Variants in SEMA3D observed in about 807,000 individuals in gnomAD.
SEMA3D encodes the protein semaphorin-3D.
SEMA3D carries 84 observed loss-of-function variants against 100.1 expected under a neutral mutation model. The observed-to-expected ratio is 0.84, with a 90% CI of 0.70 to 1.01. The LOEUF is 1.01. Ranked by LOEUF, SEMA3D falls within the 50% of genes least tolerant of loss-of-function variation. The pLI is 0.00. For synonymous variants in SEMA3D, 312 were observed against 320.7 expected (o/e 0.97, Z 0.29); for missense variants, 875 against 934.1 (o/e 0.94, Z 0.82).
chr7:85,242,107 T>C, the SEMA3D span, among the ~76,000 whole-genome samples: 1 of 152,130 alleles, frequency 6.6e-6, no homozygotes, highest in Non-Finnish European at 1.5e-5. Context: ...TAATCCATCT[T>C]ATGGACCTTC....
At chr7:85,133,967 C>T (rs1466892057) in intron 2 of SEMA3D, among the ~76,000 whole-genome samples, 1 of 151,800 alleles carries the variant, frequency 6.6e-6, no homozygotes, top group Non-Finnish European at 1.5e-5. Context: ...CTGGAAACTC[C>T]CATATTCTCC....
intron 1 of SEMA3D, among the ~76,000 whole-genome samples, chr7:85,167,870 A>C (rs1214647262): frequency 6.6e-6 from 1 of 151,848 alleles, no homozygotes; most frequent in African/African-American, 2.4e-5. Flanking sequence ...CACATCAAGA[A>C]AGCATGATAT....
chr7:85,140,472 G>A (rs1423145965), intron 2 of SEMA3D: 1 of 981,062 alleles, frequency 1.0e-6, no homozygotes, highest in East Asian at 1.1e-4. Flanking sequence ...GTTCTGATAT[G>A]TACAGGATCA....
At chr7:85,100,695 C>T (rs777139191) in intron 3 of SEMA3D, among the ~76,000 whole-genome samples, 14 of 151,904 alleles carry the variant, frequency 9.2e-5, no homozygotes, top group African/African-American at 1.9e-4. Context: ...CCATATATTC[C>T]GTCTATCAAC....
chr7:85,004,361 T>C (rs1478153317), intron 18 of SEMA3D, among the ~76,000 whole-genome samples: 1 of 152,108 alleles, frequency 6.6e-6, no homozygotes, highest in Admixed American at 6.6e-5. Flanking sequence ...ATGCAAGTAT[T>C]TGAAGATTTT....
chr7:85,240,560 G>C, the SEMA3D span, among the ~76,000 whole-genome samples: 1 of 152,104 alleles, frequency 6.6e-6, no homozygotes, highest in Non-Finnish European at 1.5e-5. Context: ...AGACTGCAAA[G>C]AATTGGCATA....
At chr7:85,157,145 G>A (rs941879602) in intron 1 of SEMA3D, among the ~76,000 whole-genome samples, 1 of 151,906 alleles carries the variant, frequency 6.6e-6, no homozygotes, top group African/African-American at 2.4e-5. Context: ...ATAGACCTAG[G>A]GTTTTATTCT....
intron 3 of SEMA3D, among the ~76,000 whole-genome samples, chr7:85,107,177 A>G (rs1488028281): frequency 6.6e-6 from 1 of 152,084 alleles, no homozygotes; most frequent in African/African-American, 2.4e-5. Context: ...ACTCAGTGTG[A>G]CATTTTATCT....
chr7:85,140,534 A>G (rs914848727), intron 2 of SEMA3D: 2 of 983,734 alleles, frequency 2.0e-6, no homozygotes, highest in Non-Finnish European at 1.2e-6. Context: ...CACTTCAAAC[A>G]TCAGCACAAA....
intron 10 of SEMA3D, chr7:85,041,712 T>C (rs1790869887): frequency 6.5e-6 from 1 of 153,722 alleles, no homozygotes; most frequent in South Asian, 2.1e-4. Flanking sequence ...AGAAGTGAAA[T>C]AGAAGAAGCT....
the SEMA3D span, among the ~76,000 whole-genome samples, chr7:85,225,101 TATATAC>T: frequency 9.2e-5 from 2 of 21,678 alleles, no homozygotes; most frequent in African/African-American, 5.1e-4. Context: ...TATATATATA[TATATAC>T]ATACATATAT....
intron 2 of SEMA3D, among the ~76,000 whole-genome samples, chr7:85,145,723 G>A (rs1360121162): frequency 6.6e-6 from 1 of 152,058 alleles, no homozygotes; most frequent in Non-Finnish European, 1.5e-5. Context: ...AAATACAAAA[G>A]TTTGAGATTA....
chr7:85,083,079 A>C (rs1788109865), intron 4 of SEMA3D, among the ~76,000 whole-genome samples: 1 of 152,226 alleles, frequency 6.6e-6, no homozygotes, highest in African/African-American at 2.4e-5. Flanking sequence ...TAGGTCTAAA[A>C]AGAATATCTC....
At chr7:85,147,092 C>CTTTTCTT (rs1165953881) in intron 2 of SEMA3D, among the ~76,000 whole-genome samples, 958 of 48,228 alleles carry the variant, frequency 0.02, 77 homozygotes, top group Non-Finnish European at 0.032. Flanking sequence ...TTTTTCTTTT[C>CTTTTCTT]TTTTTTTTTT....
At chr7:85,070,867 G>A (rs1791752416) in intron 6 of SEMA3D, among the ~76,000 whole-genome samples, 1 of 152,086 alleles carries the variant, frequency 6.6e-6, no homozygotes, top group Non-Finnish European at 1.5e-5. Context: ...TGCAACCTCC[G>A]CCTCCCGAGT....
chr7:85,114,307 A>C (rs1183372108), intron 3 of SEMA3D, among the ~76,000 whole-genome samples: 1 of 152,190 alleles, frequency 6.6e-6, no homozygotes, highest in Non-Finnish European at 1.5e-5. Flanking sequence ...TGATTTTATA[A>C]AGAAGAGGTA....
At chr7:85,135,294 T>A (rs1238516730) in intron 2 of SEMA3D, among the ~76,000 whole-genome samples, 2 of 152,128 alleles carry the variant, frequency 1.3e-5, no homozygotes, top group African/African-American at 4.8e-5. Flanking sequence ...CAATTATTTC[T>A]TATTATAGAC....
intron 8 of SEMA3D, among the ~76,000 whole-genome samples, chr7:85,063,105 A>C (rs1180198461): frequency 6.6e-6 from 1 of 152,174 alleles, no homozygotes; most frequent in African/African-American, 2.4e-5. Context: ...ATATGATTTA[A>C]TTTTATCCTT....
rs1432811752 is a variant in SEMA3D, at chr7:85,142,392, C to A, written c.-41+11216G>T. ...TATTTCTCTAGACATGAAATTATAA[C>A]CTTATTTAAAACTCAATAATAAAAT... On this transcript the variant is annotated intron_variant, in intron 2 of 18. Coordinates refer to ENST00000284136, the MANE Select transcript of SEMA3D (RefSeq NM_001384900.1). 4 of 898,206 alleles carry A rather than the reference C, an allele frequency of 4.5e-6. No individual in the cohort carries two copies. The African/African-American group carries it at 5.4e-5, about 12-fold the overall frequency. 55.6% of individuals were successfully genotyped at this position (898,206 alleles called of 1,614,324 possible).
Sources: allele counts gnomAD v4.1 joint callset (sites outside exome capture counted in the v4.1 genomes callset), GRCh38; gene constraint gnomAD v4.1.1; transcripts MANE v1.5; gene names NCBI Gene and HGNC (gene_info 2026-07-23, HGNC 2026-07-21).